MBD5: variants seen among roughly 807,000 people sequenced by gnomAD.
MBD5 encodes methyl-CpG-binding domain protein 5.
A neutral mutation model predicts 117.3 loss-of-function variants in MBD5; 13 were observed. The observed-to-expected ratio is 0.11, with a 90% confidence interval of 0.07 to 0.18. The LOEUF (loss-of-function observed/expected upper bound fraction) is 0.18. MBD5 is among the 10% of genes least tolerant of loss of function. MBD5 has a pLI of 1.00. For synonymous variants in MBD5, 727 were observed against 766.4 expected, an observed-to-expected ratio of 0.95 and a Z score of 0.85; for missense variants, 1,879 against 2,093.8, an observed-to-expected ratio of 0.90 and a Z score of 2.00.
chr2:148,197,342 A>G (rs1358716424), intron 2 of MBD5, among the ~76,000 whole-genome samples: 2 of 152,192 alleles, frequency 1.3e-5, no homozygotes, highest in African/African-American at 4.8e-5. Context: ...AGCAGAGACA[A>G]ACTATCCCTG....
intron 4 of MBD5, among the ~76,000 whole-genome samples, chr2:148,360,299 G>A (rs752618047): frequency 6.6e-6 from 1 of 152,032 alleles, no homozygotes. Flanking sequence ...TTTCCCTAAA[G>A]TGCATATATT....
chr2:148,225,990 T>C (rs962663232), intron 2 of MBD5, among the ~76,000 whole-genome samples: 3 of 152,198 alleles, frequency 2.0e-5, no homozygotes, highest in African/African-American at 7.2e-5. Context: ...TATTGATATC[T>C]TTTATAGGTT....
chr2:148,275,101 G>T (rs1194544166), intron 3 of MBD5, among the ~76,000 whole-genome samples: 1 of 151,960 alleles, frequency 6.6e-6, no homozygotes, highest in Non-Finnish European at 1.5e-5. Context: ...TAGATTATAT[G>T]TTTTCTTATG....
chr2:148,484,169 A>G, intron 9 of MBD5, 34 bp downstream of exon 9: 1 of 1,409,410 alleles, frequency 7.1e-7, no homozygotes. Context: ...TTTTTACAAA[A>G]GAAACGTTTT....
chr2:148,040,055 G>A (rs1694312113), intron 1 of MBD5, among the ~76,000 whole-genome samples: 1 of 151,832 alleles, frequency 6.6e-6, no homozygotes, highest in Admixed American at 6.6e-5. Flanking sequence ...GGAGGGAGAG[G>A]ATCAAAAAAC....
chr2:148,268,451 T>C (rs531481263), intron 3 of MBD5, among the ~76,000 whole-genome samples: 2 of 152,198 alleles, frequency 1.3e-5, no homozygotes, highest in South Asian at 2.1e-4. Context: ...TTTATTTTTA[T>C]TGTATACTTA....
chr2:148,395,713 C>T (rs113900209), intron 4 of MBD5, among the ~76,000 whole-genome samples: 1,933 of 152,190 alleles, frequency 0.013, 51 homozygotes, highest in African/African-American at 0.044. Flanking sequence ...GCGTGAGCCA[C>T]CGTGCCTGGC....
At chr2:148,143,695 A>G (rs886324474) in intron 1 of MBD5, among the ~76,000 whole-genome samples, 1 of 152,164 alleles carries the variant, frequency 6.6e-6, no homozygotes, top group Non-Finnish European at 1.5e-5. Flanking sequence ...GAATGAGACC[A>G]TAAGGTGTTT....
chr2:148,352,639 T>C (rs1703273855), intron 4 of MBD5, among the ~76,000 whole-genome samples: 1 of 152,126 alleles, frequency 6.6e-6, no homozygotes, highest in Non-Finnish European at 1.5e-5. Context: ...ACTTTGGGGA[T>C]TGACTATTTT....
intron 1 of MBD5, among the ~76,000 whole-genome samples, chr2:148,098,655 G>A (rs937619030): frequency 4.6e-5 from 7 of 152,180 alleles, no homozygotes; most frequent in Non-Finnish European, 7.3e-5. Flanking sequence ...TTGCAAATCA[G>A]TTGGTCTCAG....
At chr2:148,423,071 A>G (rs892587729) in intron 4 of MBD5, among the ~76,000 whole-genome samples, 22 of 152,326 alleles carry the variant, frequency 1.4e-4, no homozygotes, top group Middle Eastern at 3.4e-3. Flanking sequence ...AATTCAGGAA[A>G]TACAGAGAAC....
chr2:148,240,828 A>G (rs1325035159), intron 3 of MBD5, among the ~76,000 whole-genome samples: 3 of 152,128 alleles, frequency 2.0e-5, no homozygotes. Flanking sequence ...TTTTGATACT[A>G]TACTTTTTAG....
chr2:148,046,226 C>T (rs1457360656), intron 1 of MBD5, among the ~76,000 whole-genome samples: 1 of 152,014 alleles, frequency 6.6e-6, no homozygotes, highest in Non-Finnish European at 1.5e-5. Context: ...TTGTGATCCG[C>T]CCACCTTGGC....
intron 1 of MBD5, among the ~76,000 whole-genome samples, chr2:148,063,864 G>T (rs1483637933): frequency 6.6e-6 from 1 of 152,076 alleles, no homozygotes; most frequent in Non-Finnish European, 1.5e-5. Flanking sequence ...CTTGGATGGG[G>T]ATTAATCTGT....
intron 1 of MBD5, among the ~76,000 whole-genome samples, chr2:148,061,269 A>G (rs1695027382): frequency 6.6e-6 from 1 of 152,108 alleles, no homozygotes; most frequent in Non-Finnish European, 1.5e-5. Flanking sequence ...AATTGGTAAT[A>G]GCATTCAAAT....
chr2:148,270,560 T>C (rs1235642236), intron 3 of MBD5, among the ~76,000 whole-genome samples: 1 of 152,024 alleles, frequency 6.6e-6, no homozygotes, highest in Non-Finnish European at 1.5e-5. Flanking sequence ...GGCTAATTTT[T>C]GTATTTTTAG....
At chr2:148,189,450 T>A (rs577376940) in intron 2 of MBD5, among the ~76,000 whole-genome samples, 78 of 145,258 alleles carry the variant, frequency 5.4e-4, no homozygotes, top group Non-Finnish European at 9.5e-4. Context: ...CCCTGACCCG[T>A]GACCCCCGAG....
At chr2:148,225,097 C>T (rs1251864757) in intron 2 of MBD5, among the ~76,000 whole-genome samples, 1 of 152,010 alleles carries the variant, frequency 6.6e-6, no homozygotes, top group Admixed American at 6.6e-5. Context: ...AGGACTTACT[C>T]CTGCCATTTT....
Position 148,048,102 on chromosome 2 carries a change from T to A in MBD5, c.-925+26418T>A, listed in dbSNP as rs532551400. 3.3e-5 allele frequency among the ~76,000 whole-genome samples: 5 copies of A among 152,142 alleles called. No individual in the cohort carries two copies. The South Asian group carries it at 1.0e-3, about 31-fold the overall frequency. Reference sequence around the variant, plus strand: ...GGCATAAACTTTGGTGATGATTAATTTAAGTTCAGATCCTGAAACATTCTG... The same window carrying A: ...GGCATAAACTTTGGTGATGATTAATATAAGTTCAGATCCTGAAACATTCTG... On this transcript the variant is annotated intron_variant, in intron 1 of 13. Transcript: ENST00000642680.
Sources: gnomAD v4.1 joint callset for allele counts (sites outside exome capture counted in the v4.1 genomes callset) on GRCh38, gnomAD v4.1.1 for gene constraint, MANE v1.5 for transcripts, NCBI Gene and HGNC (gene_info 2026-07-23, HGNC 2026-07-21) for gene names.